Variants in TEAD1 observed in about 807,000 individuals in gnomAD.
TEAD1 encodes the protein transcriptional enhancer factor TEF-1.
Under a neutral mutation model 54.9 loss-of-function variants are expected in TEAD1, and 9 were observed. The observed-to-expected ratio is 0.16, with a 90% confidence interval of 0.10 to 0.29. TEAD1 has a LOEUF of 0.29. Ranked by LOEUF, TEAD1 falls within the 10% of genes least tolerant of loss-of-function variation. The pLI is 1.00. For missense variants in TEAD1, 387 were observed against 535.9 expected (o/e 0.72, Z 2.74); for synonymous variants, 200 against 187.8 (o/e 1.07, Z -0.53).
At chr11:12,834,036 A>G (rs1319419419) in intron 3 of TEAD1, among the ~76,000 whole-genome samples, 1 of 152,214 alleles carries the variant, frequency 6.6e-6, no homozygotes, top group African/African-American at 2.4e-5. Flanking sequence ...ATTTTGAGGA[A>G]TGAGAATTTA....
intron 9 of TEAD1, among the ~76,000 whole-genome samples, chr11:12,897,799 G>GT (rs1409439259): frequency 6.6e-6 from 1 of 152,172 alleles, no homozygotes; most frequent in Non-Finnish European, 1.5e-5. Flanking sequence ...ACGCTGTTTA[G>GT]TTTTTTTGCT....
chr11:12,880,682 TA>T (rs1275183805), intron 6 of TEAD1, among the ~76,000 whole-genome samples: 1 of 152,206 alleles, frequency 6.6e-6, no homozygotes, highest in African/African-American at 2.4e-5. Flanking sequence ...GGTACATGGA[TA>T]AATCAGTCAG....
chr11:12,726,628 G>A (rs1355828738), intron 2 of TEAD1, among the ~76,000 whole-genome samples: 1 of 152,214 alleles, frequency 6.6e-6, no homozygotes, highest in Non-Finnish European at 1.5e-5. Flanking sequence ...CAGCTCTTTG[G>A]GAGGCTGAGG....
At chr11:12,864,005 A>T (rs968777773) in intron 4 of TEAD1, among the ~76,000 whole-genome samples, 1 of 151,974 alleles carries the variant, frequency 6.6e-6, no homozygotes. Context: ...TTGTAATAAT[A>T]TGCAAATCCA....
At chr11:12,843,753 A>G (rs1236219314) in intron 3 of TEAD1, among the ~76,000 whole-genome samples, 1 of 152,238 alleles carries the variant, frequency 6.6e-6, no homozygotes, top group African/African-American at 2.4e-5. Flanking sequence ...GGAATATTTC[A>G]TTGTTGATGT....
rs769023879 is a variant in TEAD1, at chr11:12,908,883, G to GTTTTTGTTTTT, written c.873+6775_873+6776insGTTTTTTTTTT. ...TATGTCAGTATACTTCAAATTATCT[G>GTTTTTGTTTTT]TTTTTTTTTTTTTGAGACAGTGTTG... On this transcript the variant is annotated intron_variant, in intron 10 of 12. Coordinates refer to ENST00000527636, the MANE Select transcript of TEAD1 (RefSeq NM_021961.6). 6.0e-5 allele frequency among the ~76,000 whole-genome samples: 6 copies of GTTTTTGTTTTT among 99,662 alleles called. No homozygotes were observed. The East Asian group carries it at 2.4e-3, about 40-fold the overall frequency. 65.4% of individuals were successfully genotyped at this position (99,662 alleles called of 152,430 possible).
intron 10 of TEAD1, among the ~76,000 whole-genome samples, chr11:12,914,799 A>G (rs897912956): frequency 2.0e-5 from 3 of 152,258 alleles, no homozygotes; most frequent in South Asian, 4.1e-4. Flanking sequence ...AGCAGCTGCA[A>G]TGCCGCACTG....
intron 2 of TEAD1, among the ~76,000 whole-genome samples, chr11:12,723,021 A>ATATG (rs1564918692): frequency 1.3e-5 from 2 of 151,444 alleles, no homozygotes; most frequent in African/African-American, 4.9e-5. Flanking sequence ...ATACTTTGGG[A>ATATG]TATGGCCTTG....
Position 12,701,095 on chromosome 11 carries a change from A to G in TEAD1, c.-55+25534A>G, listed in dbSNP as rs1396632662. 3.9e-5 allele frequency among the ~76,000 whole-genome samples: 6 copies of G among 152,306 alleles called. No individual in the cohort carries two copies. In the East Asian group the frequency reaches 7.7e-4, roughly 20 times the overall value. On this transcript the variant is annotated intron_variant, in intron 2 of 12. Coordinates refer to ENST00000527636, the MANE Select transcript of TEAD1 (RefSeq NM_021961.6). Reference sequence around the variant, plus strand: ...TGATTCTTCATGTGTACAGTGTACAATATTTGGAGAGTGTTTGTAAGACCG... The same window carrying G: ...TGATTCTTCATGTGTACAGTGTACAGTATTTGGAGAGTGTTTGTAAGACCG...
At chr11:12,804,071 A>G (rs1946119563) in intron 3 of TEAD1, among the ~76,000 whole-genome samples, 1 of 152,246 alleles carries the variant, frequency 6.6e-6, no homozygotes, top group Non-Finnish European at 1.5e-5. Context: ...ATAAAATAGT[A>G]GAATTTAATT....
At chr11:12,676,292 G>T (rs889464621) in intron 2 of TEAD1, among the ~76,000 whole-genome samples, 5 of 152,218 alleles carry the variant, frequency 3.3e-5, no homozygotes, top group Non-Finnish European at 4.4e-5. Context: ...GGCTTGGGGT[G>T]CGCTGGTTGC....
intron 3 of TEAD1, among the ~76,000 whole-genome samples, chr11:12,786,399 C>G (rs993392888): frequency 6.6e-6 from 1 of 152,206 alleles, no homozygotes; most frequent in Non-Finnish European, 1.5e-5. Context: ...CCTCTCCCAG[C>G]TGACCAGAGT....
intron 3 of TEAD1, among the ~76,000 whole-genome samples, chr11:12,811,845 TGGGTG>T (rs1946307249): frequency 1.0e-5 from 1 of 99,652 alleles, no homozygotes; most frequent in Non-Finnish European, 2.1e-5. Context: ...TATGTGTATC[TGGGTG>T]GGGGTGGGGG....
rs924382554 is a variant in TEAD1, at chr11:12,844,119, A to G, written c.203-18131A>G. On this transcript the variant is annotated intron_variant, in intron 3 of 12. Transcript: ENST00000527636. ...ATATTCAGAAACTTTTCTTTATGCCAGTTTCTTATTTTCACCCATCATGAC... is the reference window on the plus strand; with the variant it reads ...ATATTCAGAAACTTTTCTTTATGCCGGTTTCTTATTTTCACCCATCATGAC... Among the ~76,000 whole-genome samples the G allele has an allele frequency of 2.0e-5, 3 of 152,106 alleles. No homozygotes were observed. The East Asian group carries it at 5.8e-4, about 29-fold the overall frequency.
At chr11:12,922,595 G>C (rs1012452041) in intron 10 of TEAD1, 1 of 152,090 alleles carries the variant, frequency 6.6e-6, no homozygotes, top group Non-Finnish European at 1.5e-5. Flanking sequence ...AGGTCTTAGT[G>C]GTTAGTGCCT....
intron 3 of TEAD1, among the ~76,000 whole-genome samples, chr11:12,818,470 A>G (rs78162170): frequency 0.023 from 3,444 of 152,268 alleles, 74 homozygotes; most frequent in African/African-American, 0.06. Flanking sequence ...CCCTGGGGAC[A>G]TGTCTGGTTT....
chr11:12,786,622 A>G (rs1945682272), intron 3 of TEAD1, among the ~76,000 whole-genome samples: 1 of 152,176 alleles, frequency 6.6e-6, no homozygotes, highest in South Asian at 2.1e-4. Flanking sequence ...GCATGGTTTC[A>G]CAGTGCCTCT....
intron 3 of TEAD1, among the ~76,000 whole-genome samples, chr11:12,854,480 G>A (rs1269891947): frequency 1.3e-5 from 2 of 152,174 alleles, no homozygotes; most frequent in East Asian, 1.9e-4. Context: ...TGCTGTGACC[G>A]AGAGGCGTAG....
In TEAD1 at chr11:12,879,859, G is replaced by T. The variant is rs771951010; in HGVS notation, c.465+17G>T. 13 of 1,612,522 alleles carry T rather than the reference G, an allele frequency of 8.1e-6. No homozygotes were observed. In the East Asian group the frequency reaches 2.7e-4, roughly 33 times the overall value. ...GCGCCGGGGGTAAGTCATGAGCTCAGTCCAGTAATGACAGCTGCTGGGGTT... is the reference window on the plus strand; with the variant it reads ...GCGCCGGGGGTAAGTCATGAGCTCATTCCAGTAATGACAGCTGCTGGGGTT... On this transcript the variant is annotated intron_variant, in intron 6 of 12. Transcript: ENST00000527636.
Sources: allele counts gnomAD v4.1 joint callset (sites outside exome capture counted in the v4.1 genomes callset), GRCh38; gene constraint gnomAD v4.1.1; transcripts MANE v1.5; gene names NCBI Gene and HGNC (gene_info 2026-07-23, HGNC 2026-07-21).